ANKRD28: variants seen among roughly 807,000 people sequenced by gnomAD.
ANKRD28 encodes the protein ankyrin repeat domain 28.
A neutral mutation model predicts 126.5 loss-of-function variants in ANKRD28; 44 were observed. The observed-to-expected ratio is 0.35, with a 90% confidence interval of 0.27 to 0.45. The LOEUF is 0.45. Ranked by LOEUF, ANKRD28 falls within the 20% of genes least tolerant of loss-of-function variation. The probability of loss-of-function intolerance (pLI) is 1.00; values close to 1 mark genes in which losing one functional copy is unlikely to be tolerated. For missense variants in ANKRD28, 1,110 were observed against 1,316.6 expected, an observed-to-expected ratio of 0.84 and a Z score of 2.43; for synonymous variants, 442 against 468.5, an observed-to-expected ratio of 0.94 and a Z score of 0.73.
chr3:15,755,739 C>A (rs2058119311), intron 3 of ANKRD28, among the ~76,000 whole-genome samples: 1 of 152,182 alleles, frequency 6.6e-6, no homozygotes, highest in Non-Finnish European at 1.5e-5. Context: ...GTGGCATAAT[C>A]ACATGCCCTC....
rs76578925 is a variant in ANKRD28, at chr3:15,758,078, G to T, written c.281-6258C>A. Reference sequence around the variant, plus strand: ...GAACTTGATAGTAGGTACTATTAAAGTTATTGCTAACTTTATACATGTTTG... The same window carrying T: ...GAACTTGATAGTAGGTACTATTAAATTTATTGCTAACTTTATACATGTTTG... On this transcript the variant is annotated intron_variant, in intron 3 of 27. Transcript: ENST00000683139. 4.0e-3 allele frequency among the ~76,000 whole-genome samples: 609 copies of T among 152,252 alleles called. 2 individuals carry two copies. Among genetic ancestry groups the T allele is most frequent in the East Asian group, 0.023 (118 of 5,190 alleles).
At chr3:15,737,652 G>C (rs1262169922) in intron 4 of ANKRD28, among the ~76,000 whole-genome samples, 1 of 148,534 alleles carries the variant, frequency 6.7e-6, no homozygotes, top group Non-Finnish European at 1.5e-5. Flanking sequence ...ATTTTGTAGA[G>C]ACAAGGTCTT....
Position 15,693,194 on chromosome 3 carries a change from A to T in ANKRD28, c.1761+1545T>A, listed in dbSNP as rs528577924. Among the ~76,000 whole-genome samples, 65 of 152,322 alleles carry T rather than the reference A, an allele frequency of 4.3e-4. No individual in the cohort carries two copies. The South Asian group carries it at 0.013, about 32-fold the overall frequency. On this transcript the variant is annotated intron_variant, in intron 17 of 27. Transcript: ENST00000683139. The stretch of plus-strand genomic sequence containing the variant: ...GGAGATTGGTTGTACAGTAATGTAA[A>T]TATACTTAACACTGCTGAACTGTAC...
chr3:15,783,548 G>T (rs893168511), intron 2 of ANKRD28, among the ~76,000 whole-genome samples: 2 of 151,882 alleles, frequency 1.3e-5, no homozygotes, highest in African/African-American at 4.8e-5. Flanking sequence ...ACACATTCAT[G>T]CAAGGACTTG....
intron 8 of ANKRD28, among the ~76,000 whole-genome samples, chr3:15,719,064 T>C (rs1468183703): frequency 6.6e-6 from 1 of 152,234 alleles, no homozygotes; most frequent in Non-Finnish European, 1.5e-5. Flanking sequence ...ACTAGGTGAT[T>C]TGACCGAGAC....
At chr3:15,792,449 C>G (rs367940165) in intron 2 of ANKRD28, among the ~76,000 whole-genome samples, 2 of 152,042 alleles carry the variant, frequency 1.3e-5, no homozygotes, top group Admixed American at 6.6e-5. Flanking sequence ...TTATGTTAAC[C>G]GAAATAAGGC....
chr3:15,772,402 C>T (rs2059059962), intron 2 of ANKRD28, among the ~76,000 whole-genome samples: 1 of 152,062 alleles, frequency 6.6e-6, no homozygotes, highest in African/African-American at 2.4e-5. Flanking sequence ...CATCCTGATA[C>T]CAAAACCAGA....
At chr3:15,743,120 G>A (rs1255072835) in intron 4 of ANKRD28, among the ~76,000 whole-genome samples, 1 of 152,074 alleles carries the variant, frequency 6.6e-6, no homozygotes, top group African/African-American at 2.4e-5. Flanking sequence ...TCCACTCAGG[G>A]TTAAATGGAT....
chr3:15,690,216 T>C lies in ANKRD28; in HGVS notation c.1766A>G (p.Tyr589Cys), dbSNP rs377549137. The C allele has an allele frequency of 1.9e-5, 30 of 1,590,168 alleles. No individual in the cohort carries two copies. The Admixed American group carries it at 2.3e-4, about 12-fold the overall frequency. The change falls in exon 18 of 28, where the codon TAT becomes TGT. Residue 589 changes from tyrosine (Y) to cysteine (C), a missense_variant. Physicochemically the swap from Tyr to Cys is radical, Grantham distance 194. Coordinates refer to ENST00000683139, the MANE Select transcript of ANKRD28 (RefSeq NM_001349278.2). ...TTCCAGTGCTTGATGGTGACCATGA[T>C]AGGCCTAGAAATAAATAAAAATGTA... ...ATISPLHLAAYHGHHQALEVL... is the reference protein window; with the variant it reads ...ATISPLHLAACHGHHQALEVL...
At chr3:15,730,294 G>A (rs891500692) in intron 6 of ANKRD28, among the ~76,000 whole-genome samples, 1 of 152,188 alleles carries the variant, frequency 6.6e-6, no homozygotes, top group African/African-American at 2.4e-5. Flanking sequence ...CCTTGACAAA[G>A]GTTGATGGCA....
chr3:15,793,461 A>C (rs974337677), intron 2 of ANKRD28, among the ~76,000 whole-genome samples: 5 of 152,184 alleles, frequency 3.3e-5, no homozygotes, highest in Non-Finnish European at 7.3e-5. Flanking sequence ...TGATGCTCTC[A>C]ATGACTCTGA....
At chr3:15,803,258 C>T (rs1399969302) in intron 1 of ANKRD28, among the ~76,000 whole-genome samples, 6 of 152,094 alleles carry the variant, frequency 3.9e-5, no homozygotes, top group South Asian at 2.1e-4. Context: ...GTTAGGAGAC[C>T]ACTGCAGTAA....
intron 3 of ANKRD28, among the ~76,000 whole-genome samples, chr3:15,766,017 A>G (rs1205725859): frequency 2.6e-5 from 4 of 152,202 alleles, no homozygotes; most frequent in South Asian, 2.1e-4. Flanking sequence ...TATAAGCTAC[A>G]AGAGGGCAGC....
At chr3:15,832,817 T>C (rs1273681465) in intron 1 of ANKRD28, among the ~76,000 whole-genome samples, 2 of 152,232 alleles carry the variant, frequency 1.3e-5, no homozygotes, top group East Asian at 1.9e-4. Context: ...ACATTTTCTT[T>C]ATCCAATCTT....
intron 6 of ANKRD28, among the ~76,000 whole-genome samples, chr3:15,731,080 G>C (rs1334219333): frequency 6.6e-6 from 1 of 152,198 alleles, no homozygotes; most frequent in Non-Finnish European, 1.5e-5. Flanking sequence ...AAATTACCCA[G>C]TCTATGACAT....
At chr3:15,800,993 C>T (rs1346115594), upstream of ANKRD28, among the ~76,000 whole-genome samples, 1 of 152,058 alleles carries the variant, frequency 6.6e-6, no homozygotes, top group Admixed American at 6.6e-5. Flanking sequence ...AGAGAAAGTA[C>T]TTCTGATAAA....
At chr3:15,823,825 A>G (rs987731946) in intron 1 of ANKRD28, among the ~76,000 whole-genome samples, 1 of 152,212 alleles carries the variant, frequency 6.6e-6, no homozygotes, top group African/African-American at 2.4e-5. Flanking sequence ...TTATAATCTC[A>G]ACTGATGCAA....
chr3:15,845,864 A>G lies in ANKRD28; in HGVS notation c.27+13513T>C, dbSNP rs543185030. 6.6e-6 allele frequency among the ~76,000 whole-genome samples: 1 copy of G among 152,228 alleles called. No homozygotes were observed. The highest frequency in any genetic ancestry group is 2.1e-4 in the South Asian group (1 of 4,824). ...TAGGGGTATGTGCCACACACTTTAA[A>G]CCATTGCATCTCGTGAAAACTCGCT... On this transcript the variant is annotated intron_variant, in intron 1 of 27. Transcript: ENST00000399451. This position sits in a 1 kb window ranked among gnomAD's most constrained non-coding sequence, Gnocchi z 4.9.
At position 15,716,024 on chromosome 3, in the gene ANKRD28, C is replaced by T. The variant is rs1264060875; in HGVS notation, c.997-1368G>A. Among the ~76,000 whole-genome samples, 30 of 150,562 alleles carry T rather than the reference C, an allele frequency of 2.0e-4. 4 individuals are homozygous for T. Among genetic ancestry groups the T allele is most frequent in the Admixed American group, 7.9e-4 (12 of 15,106 alleles). On this transcript the variant is annotated intron_variant, in intron 8 of 27. Coordinates refer to ENST00000683139, the MANE Select transcript of ANKRD28 (RefSeq NM_001349278.2). ...TTTTTTTTGAGACTTGCTTTGTTGC[C>T]CAGGCTGGAGTACAGTGGTGTGATC...
Sources: gnomAD v4.1 joint callset for allele counts (sites outside exome capture counted in the v4.1 genomes callset) on GRCh38, gnomAD v4.1.1 for gene constraint, Gnocchi (gnomAD v3.1) non-coding constraint, MANE v1.5 for transcripts, NCBI Gene and HGNC (gene_info 2026-07-23, HGNC 2026-07-21) for gene names.